SCAPER: variants seen among roughly 807,000 people sequenced by gnomAD.
SCAPER encodes S-phase cyclin A associated protein in the ER.
Under a neutral mutation model 182.2 loss-of-function variants are expected in SCAPER, and 98 were observed. The observed-to-expected ratio is 0.54, with a 90% CI of 0.46 to 0.64. The LOEUF is 0.64. Ranked by LOEUF, SCAPER falls within the 30% of genes least tolerant of loss-of-function variation. The pLI, the probability that SCAPER is intolerant of heterozygous loss-of-function variation, is 0.00. For missense variants in SCAPER, 1,432 were observed against 1,690.0 expected (o/e 0.85, Z 2.68); for synonymous variants, 605 against 564.6 (o/e 1.07, Z -1.01).
chr15:76,367,914 G>GA (rs887586343), intron 29 of SCAPER, among the ~76,000 whole-genome samples: 35 of 149,620 alleles, frequency 2.3e-4, no homozygotes, highest in East Asian at 5.8e-4. Flanking sequence ...TCTACTTTTG[G>GA]AAAAAAAAAC....
At chr15:76,412,678 C>T (rs1294473694) in intron 26 of SCAPER, among the ~76,000 whole-genome samples, 1 of 152,058 alleles carries the variant, frequency 6.6e-6, no homozygotes, top group Non-Finnish European at 1.5e-5. Context: ...TCAGGCAAGT[C>T]CTCTGACTTA....
At chr15:76,427,420 T>C (rs2046513262) in intron 26 of SCAPER, among the ~76,000 whole-genome samples, 1 of 152,136 alleles carries the variant, frequency 6.6e-6, no homozygotes, top group Non-Finnish European at 1.5e-5. Context: ...TTAATAGACT[T>C]TTCTCAGAAG....
intron 4 of SCAPER, among the ~76,000 whole-genome samples, chr15:76,852,090 A>G (rs914178226): frequency 2.6e-5 from 4 of 152,094 alleles, no homozygotes; most frequent in African/African-American, 9.7e-5. Context: ...AAAAAAGACA[A>G]AAAAAAGGGC....
intron 7 of SCAPER, among the ~76,000 whole-genome samples, chr15:76,799,718 C>T (rs1229380769): frequency 6.6e-6 from 1 of 152,074 alleles, no homozygotes; most frequent in Non-Finnish European, 1.5e-5. Context: ...TGTCCTTATC[C>T]CTGTAGAAGA....
At chr15:76,813,909 C>T (rs551562151) in intron 5 of SCAPER, among the ~76,000 whole-genome samples, 9 of 152,136 alleles carry the variant, frequency 5.9e-5, no homozygotes, top group South Asian at 2.1e-4. Context: ...CGCTCACACC[C>T]GTAATCCTAG....
Position 76,499,953 on chromosome 15 carries a change from T to C in SCAPER, c.2954+4906A>G, listed in dbSNP as rs548571961. Among the ~76,000 whole-genome samples the C allele has an allele frequency of 5.3e-5, 8 of 152,346 alleles. No individual in the cohort carries two copies. In the South Asian group the frequency reaches 1.7e-3, roughly 32 times the overall value. ...AGCTCAGTAATTAGGCAGTATAATA[T>C]GGAGTCAAAACAATAACTACAACAA... On this transcript the variant is annotated intron_variant, in intron 24 of 31. Transcript: ENST00000563290.
chr15:76,715,688 G>C (rs1005812287), intron 17 of SCAPER, among the ~76,000 whole-genome samples: 6 of 152,074 alleles, frequency 3.9e-5, no homozygotes, highest in African/African-American at 1.4e-4. Flanking sequence ...ATGTTACCCA[G>C]TTGGTTCTGG....
At chr15:76,835,933 CAAAAAA>C (rs35242954) in intron 5 of SCAPER, among the ~76,000 whole-genome samples, 1 of 94,308 alleles carries the variant, frequency 1.1e-5, no homozygotes, top group Non-Finnish European at 2.0e-5. Context: ...ACATTAGCCA[CAAAAAA>C]AAAAAAAAAA....
chr15:76,625,989 T>C (rs561538779), intron 21 of SCAPER, among the ~76,000 whole-genome samples: 1 of 152,280 alleles, frequency 6.6e-6, no homozygotes, highest in African/African-American at 2.4e-5. Flanking sequence ...CGAGAGCTGA[T>C]GAGCTTTAAA....
At chr15:76,372,145 T>A (rs1429238819) in intron 29 of SCAPER, among the ~76,000 whole-genome samples, 1 of 152,170 alleles carries the variant, frequency 6.6e-6, no homozygotes, top group East Asian at 1.9e-4. Context: ...AGTTTAGTAT[T>A]CCATCCTTCT....
chr15:76,352,899 CTAATT>C (rs2040679826), intron 30 of SCAPER, among the ~76,000 whole-genome samples: 2 of 151,708 alleles, frequency 1.3e-5, no homozygotes, highest in African/African-American at 2.4e-5. Flanking sequence ...ATCTAAATAT[CTAATT>C]TAACTTTTTT....
chr15:76,839,820 G>A (rs1230659029), intron 5 of SCAPER, among the ~76,000 whole-genome samples: 1 of 152,172 alleles, frequency 6.6e-6, no homozygotes, highest in African/African-American at 2.4e-5. Flanking sequence ...TCAGAGACAG[G>A]TGCAAGTTTC....
intron 18 of SCAPER, among the ~76,000 whole-genome samples, chr15:76,704,884 A>T (rs1004408574): frequency 6.6e-6 from 1 of 152,208 alleles, no homozygotes; most frequent in Non-Finnish European, 1.5e-5. Flanking sequence ...ATCATTAAAA[A>T]GTCAGGAAAC....
intron 5 of SCAPER, among the ~76,000 whole-genome samples, chr15:76,820,303 G>C (rs572839507): frequency 6.6e-6 from 1 of 151,792 alleles, no homozygotes; most frequent in African/African-American, 2.4e-5. Flanking sequence ...TGTTTATTGC[G>C]GCACTATTCA....
intron 20 of SCAPER, among the ~76,000 whole-genome samples, chr15:76,673,869 A>G (rs1462257498): frequency 6.6e-6 from 1 of 152,024 alleles, no homozygotes; most frequent in Non-Finnish European, 1.5e-5. Context: ...AAAAGATGGC[A>G]TAATTTGAGA....
At chr15:76,797,034 C>CA (rs1179921650) in intron 7 of SCAPER, among the ~76,000 whole-genome samples, 1 of 150,926 alleles carries the variant, frequency 6.6e-6, no homozygotes, top group African/African-American at 2.5e-5. Flanking sequence ...AGTATAAGTA[C>CA]AAAAAAATAG....
intron 25 of SCAPER, among the ~76,000 whole-genome samples, chr15:76,456,810 T>G (rs898656652): frequency 6.6e-6 from 1 of 152,248 alleles, no homozygotes; most frequent in African/African-American, 2.4e-5. Context: ...ATGACTGTTA[T>G]ATCTTCCTGT....
At chr15:76,621,570 A>T (rs2052057093) in intron 22 of SCAPER, among the ~76,000 whole-genome samples, 194 bp downstream of exon 22, 1 of 152,202 alleles carries the variant, frequency 6.6e-6, no homozygotes, top group African/African-American at 2.4e-5. Flanking sequence ...AGTTGTGCTC[A>T]CAAGAACTGT....
At chr15:76,843,766 A>C (rs1479169123) in intron 4 of SCAPER, among the ~76,000 whole-genome samples, 3 of 152,068 alleles carry the variant, frequency 2.0e-5, no homozygotes, top group Admixed American at 2.0e-4. Flanking sequence ...AGAACAGACC[A>C]GGGCAACACA....
Sources: gnomAD v4.1 joint callset for allele counts (sites outside exome capture counted in the v4.1 genomes callset) on GRCh38, gnomAD v4.1.1 for gene constraint, MANE v1.5 for transcripts, NCBI Gene and HGNC (gene_info 2026-07-23, HGNC 2026-07-21) for gene names.